Variants in CCDC33 observed in about 807,000 individuals in gnomAD.
CCDC33 encodes coiled-coil domain containing 33, also known as coiled-coil domain-containing protein 33.
In CCDC33, 94 loss-of-function variants were observed where a neutral mutation model predicts 91.9. The ratio of observed to expected loss-of-function variants is 1.02; its 90% CI spans 0.87 to 1.21. The LOEUF is 1.21. Among genes scored for constraint, CCDC33 ranks in the 50% most tolerant of loss-of-function variants. The pLI, the probability that CCDC33 is intolerant of heterozygous loss-of-function variation, is 0.00. For synonymous variants in CCDC33, 396 were observed against 374.5 expected, an observed-to-expected ratio of 1.06 and a Z score of -0.66; for missense variants, 940 against 935.5, an observed-to-expected ratio of 1.00 and a Z score of -0.06.
intron 7 of CCDC33, among the ~76,000 whole-genome samples, chr15:74,276,176 A>G (rs2076444424): frequency 6.6e-6 from 1 of 152,222 alleles, no homozygotes; most frequent in Admixed American, 6.5e-5. Flanking sequence ...CCCAAGGGCC[A>G]TCTGCTGGTG....
intron 2 of CCDC33, among the ~76,000 whole-genome samples, chr15:74,255,084 T>A (rs1194494999): frequency 2.1e-5 from 3 of 139,860 alleles, no homozygotes; most frequent in Non-Finnish European, 4.7e-5. Flanking sequence ...CACCTAGGCA[T>A]CCCCCTTTCC....
chr15:74,243,517 A>C (rs1266750573), intron 1 of CCDC33, among the ~76,000 whole-genome samples: 1 of 152,174 alleles, frequency 6.6e-6, no homozygotes, highest in East Asian at 1.9e-4. Flanking sequence ...GAGACGTGGG[A>C]TGGGGACAGA....
chr15:74,235,961 A>G (rs1317317898), upstream of CCDC33, among the ~76,000 whole-genome samples: 1 of 152,142 alleles, frequency 6.6e-6, no homozygotes, highest in Non-Finnish European at 1.5e-5. Context: ...GTTTATTATT[A>G]TCAAATAAAT....
chr15:74,277,820 T>C (rs1596009829), intron 7 of CCDC33, among the ~76,000 whole-genome samples: 2 of 152,310 alleles, frequency 1.3e-5, no homozygotes, highest in Admixed American at 1.3e-4. Flanking sequence ...TCTGGCTTCA[T>C]AGGCTCCATT....
intron 10 of CCDC33, among the ~76,000 whole-genome samples, chr15:74,284,699 A>G (rs1342681926): frequency 6.6e-6 from 1 of 152,262 alleles, no homozygotes; most frequent in African/African-American, 2.4e-5. Flanking sequence ...GGTCTGAGGA[A>G]ACTCAAACAA....
intron 7 of CCDC33, among the ~76,000 whole-genome samples, chr15:74,276,637 A>C (rs1402022848): frequency 6.6e-6 from 1 of 152,144 alleles, no homozygotes; most frequent in Non-Finnish European, 1.5e-5. Context: ...TATCACGACA[A>C]GGCAAATCCC....
In CCDC33 at chr15:74,332,695, A is replaced by G. The variant is rs2060464944; in HGVS notation, c.1788A>G (p.Ser596=). ...TGTCTCTAGGCTTCCCTATGCTCTC[A>G]GCCTCTGGCCTTCCCTTGGGTTCTA... ...GKPYTGFPML[S]ASGLPLGSMG... is the part of the protein sequence containing the mutation. Residue 596 remains serine, a synonymous_variant, in exon 16 of 19, where the codon TCA becomes TCG. Transcript: ENST00000398814. 1 of 1,614,172 alleles carries G rather than the reference A, an allele frequency of 6.2e-7. No individual in the cohort carries two copies. Among genetic ancestry groups the G allele is most frequent in the Non-Finnish European group, 8.5e-7 (1 of 1,180,010 alleles).
intron 2 of CCDC33, among the ~76,000 whole-genome samples, chr15:74,246,885 G>T (rs1475230210): frequency 6.6e-6 from 1 of 152,190 alleles, no homozygotes; most frequent in African/African-American, 2.4e-5. Flanking sequence ...AGTGGCTCAC[G>T]CCTGTAATCC....
intron 15 of CCDC33, 25 bp from the exon 16 acceptor site, chr15:74,332,654 C>T (rs2060463471): frequency 6.2e-7 from 1 of 1,610,508 alleles, no homozygotes; most frequent in Admixed American, 1.7e-5. Flanking sequence ...GCCCATCTCA[C>T]CAACATCTGT....
chr15:74,267,952 G>A (rs1483225165), intron 4 of CCDC33, among the ~76,000 whole-genome samples: 1 of 152,198 alleles, frequency 6.6e-6, no homozygotes, highest in Non-Finnish European at 1.5e-5. Context: ...CCCAATCCCA[G>A]GGCTTCAGGA....
chr15:74,248,224 C>G (rs1300274599), intron 2 of CCDC33, among the ~76,000 whole-genome samples: 2 of 151,590 alleles, frequency 1.3e-5, no homozygotes, highest in Admixed American at 1.3e-4. Flanking sequence ...ATATGTGTAT[C>G]AAATCATCAC....
intron 2 of CCDC33, among the ~76,000 whole-genome samples, chr15:74,253,273 C>T (rs2075762782): frequency 6.6e-6 from 1 of 152,178 alleles, no homozygotes; most frequent in African/African-American, 2.4e-5. Flanking sequence ...TCATCATGAG[C>T]AGCCAGGAGG....
At chr15:74,264,672 T>C (rs1369079302) in intron 3 of CCDC33, among the ~76,000 whole-genome samples, 1 of 152,178 alleles carries the variant, frequency 6.6e-6, no homozygotes, top group Non-Finnish European at 1.5e-5. Context: ...TCCTCAGGTC[T>C]GCCTACATCA....
chr15:74,227,336 T>C (rs1279912391), intron 2 of CCDC33, among the ~76,000 whole-genome samples: 1 of 152,184 alleles, frequency 6.6e-6, no homozygotes, highest in Non-Finnish European at 1.5e-5. Flanking sequence ...AGCTGTTCCT[T>C]AGCCCATTTG....
chr15:74,334,493 T>C (rs1313796153), intron 17 of CCDC33, among the ~76,000 whole-genome samples: 1 of 144,258 alleles, frequency 6.9e-6, no homozygotes, highest in Non-Finnish European at 1.5e-5. Flanking sequence ...GGGTTCAGTA[T>C]ACAACCAGGG....
chr15:74,276,606 T>TAGGCA, intron 7 of CCDC33, among the ~76,000 whole-genome samples: 1 of 152,260 alleles, frequency 6.6e-6, no homozygotes, highest in Non-Finnish European at 1.5e-5. Context: ...TGCCTAGCCC[T>TAGGCA]TCCCCTGGGC....
intron 11 of CCDC33, among the ~76,000 whole-genome samples, chr15:74,321,480 G>A (rs1014370316): frequency 6.6e-6 from 1 of 152,088 alleles, no homozygotes; most frequent in Non-Finnish European, 1.5e-5. Context: ...GGCCAGGCTG[G>A]TCTCAAACTG....
chr15:74,235,034 G>C (rs1344225436), upstream of CCDC33, among the ~76,000 whole-genome samples: 2 of 152,188 alleles, frequency 1.3e-5, no homozygotes, highest in African/African-American at 2.4e-5. Flanking sequence ...TAGAGAGACT[G>C]GGGGAGCAGC....
At chr15:74,285,601 A>C (rs138093435) in intron 10 of CCDC33, among the ~76,000 whole-genome samples, 71 of 151,994 alleles carry the variant, frequency 4.7e-4, no homozygotes, top group African/African-American at 1.7e-3. Context: ...AGCCTCCTAC[A>C]TAGATCACAT....
Sources: gnomAD v4.1 joint callset for allele counts (sites outside exome capture counted in the v4.1 genomes callset) on GRCh38, gnomAD v4.1.1 for gene constraint, MANE v1.5 for transcripts, NCBI Gene and HGNC (gene_info 2026-07-23, HGNC 2026-07-21) for gene names.